The following INPP5D variants were observed in gnomAD, a reference collection of about 807,000 sequenced individuals.
INPP5D encodes the protein inositol polyphosphate-5-phosphatase D, also known as phosphatidylinositol 3,4,5-trisphosphate 5-phosphatase 1.
In INPP5D, 33 loss-of-function variants were observed where a neutral mutation model predicts 122.9. That is an observed-to-expected ratio of 0.27 (90% confidence interval 0.20 to 0.36). The LOEUF (loss-of-function observed/expected upper bound fraction) is 0.36. Ranked by LOEUF, INPP5D falls within the 10% of genes least tolerant of loss-of-function variation. INPP5D has a pLI of 1.00. For missense variants in INPP5D, 1,053 were observed against 1,412.7 expected (o/e 0.75, Z 4.08); for synonymous variants, 584 against 576.2 (o/e 1.01, Z -0.19).
intron 18 of INPP5D, among the ~76,000 whole-genome samples, chr2:233,179,837 A>AAC (rs1286288828): frequency 1.3e-5 from 2 of 152,234 alleles, no homozygotes; most frequent in Non-Finnish European, 2.9e-5. Context: ...CATGACAATT[A>AAC]ACATAGCAGG....
intron 1 of INPP5D, among the ~76,000 whole-genome samples, chr2:233,071,108 TACTA>T (rs914206381): frequency 6.6e-6 from 1 of 150,440 alleles, no homozygotes; most frequent in African/African-American, 2.5e-5. Flanking sequence ...ATCCTGTCTC[TACTA>T]AAGATACAAA....
Position 233,078,584 on chromosome 2 carries a change from G to A in INPP5D, c.135-751G>A, listed in dbSNP as rs1691588388. ...TGCCCCTGACAGGTGGCCCCTCTGT[G>A]GCTGGGCCTGGCTTTCCATTCACCA... On this transcript the variant is annotated intron_variant, in intron 1 of 26. Transcript: ENST00000445964. This position sits in a 1 kb window ranked among gnomAD's most constrained non-coding sequence, Gnocchi z 4.6. Among the ~76,000 whole-genome samples, 2 of 152,222 alleles carry A rather than the reference G, an allele frequency of 1.3e-5. No individual in the cohort carries two copies. Among genetic ancestry groups the A allele is most frequent in the South Asian group, 2.1e-4 (1 of 4,832 alleles).
intron 2 of INPP5D, among the ~76,000 whole-genome samples, chr2:233,088,943 G>A (rs796713032): frequency 2.6e-5 from 4 of 152,322 alleles, no homozygotes; most frequent in African/African-American, 9.6e-5. Context: ...GAGGACAGAG[G>A]CACCAAGTAG....
intron 2 of INPP5D, among the ~76,000 whole-genome samples, chr2:233,113,783 T>C (rs951773573): frequency 2.6e-5 from 4 of 152,208 alleles, no homozygotes; most frequent in African/African-American, 9.6e-5. Context: ...ATTCAAGCAC[T>C]AGAGTGGGGT....
rs548439384 is a variant in INPP5D, at chr2:233,159,693, C to CAAAAA, written c.1137+1290_1137+1294dup. ...TAGATGACAGAGCAAGATCCTGTCT[C>CAAAAA]AAAAAAAAAAAAAAAAAAAAGATTG... On this transcript the variant is annotated intron_variant, in intron 10 of 26. Transcript: ENST00000445964. Among the ~76,000 whole-genome samples the CAAAAA allele has an allele frequency of 2.3e-3, 213 of 91,844 alleles. 9 individuals carry two copies. Among genetic ancestry groups the CAAAAA allele is most frequent in the African/African-American group, 8.6e-3 (186 of 21,626 alleles). 60.3% of individuals were successfully genotyped at this position (91,844 alleles called of 152,430 possible). A position where few individuals can be genotyped will look rare whatever the true frequency, so the allele number is the denominator to read the frequency against.
chr2:233,188,549 T>C lies in INPP5D; in HGVS notation c.2359-1301T>C, dbSNP rs1694974770. 6.6e-6 allele frequency among the ~76,000 whole-genome samples: 1 copy of C among 152,136 alleles called. No homozygotes were observed. The highest frequency in any genetic ancestry group is 1.5e-5 in the Non-Finnish European group (1 of 68,018). The stretch of plus-strand genomic sequence containing the variant: ...TGGAGTACCCAGAGCTCCACTGCAG[T>C]TTCCAGTCATCTGTTCTGGAACTTT... On this transcript the variant is annotated intron_variant, in intron 21 of 26. Coordinates refer to ENST00000445964, the MANE Select transcript of INPP5D (RefSeq NM_001017915.3). This position sits in a 1 kb window ranked among gnomAD's most constrained non-coding sequence, Gnocchi z 4.7.
At chr2:233,085,553 T>C (rs1162430935) in intron 2 of INPP5D, among the ~76,000 whole-genome samples, 1 of 152,186 alleles carries the variant, frequency 6.6e-6, no homozygotes, top group Non-Finnish European at 1.5e-5. Flanking sequence ...TGATAGTACC[T>C]GCAATGTGTT....
At chr2:233,146,536 C>G (rs528964682) in intron 8 of INPP5D, 98 bp downstream of exon 8, 2 of 696,168 alleles carry the variant, frequency 2.9e-6, no homozygotes, top group South Asian at 3.0e-5. Context: ...GGGGCTTTAG[C>G]TGGGGAAGAG....
Position 233,079,116 on chromosome 2 carries a change from GT to G in INPP5D, c.135-218del, listed in dbSNP as rs566991922. ...AATGACCCCCCCCAACCTTTTCCTG[GT>G]GCTCCCTGAGTGCAGAAGCAGTGGG... is the stretch of plus-strand genomic sequence containing the variant. On this transcript the variant is annotated intron_variant, in intron 1 of 26. Transcript: ENST00000445964. Among the ~76,000 whole-genome samples, 6 of 152,134 alleles carry G rather than the reference GT, an allele frequency of 3.9e-5. No homozygotes were observed. In the South Asian group the frequency reaches 1.2e-3, roughly 32 times the overall value.
intron 4 of INPP5D, among the ~76,000 whole-genome samples, chr2:233,130,189 C>T (rs1693280692): frequency 6.6e-6 from 1 of 152,188 alleles, no homozygotes. Flanking sequence ...GCCACCATGC[C>T]CAGCCTTGGT....
chr2:233,198,330 C>A lies in INPP5D; in HGVS notation c.2929C>A (p.Pro977Thr), dbSNP rs772125160. 6.2e-6 allele frequency: 10 copies of A among 1,613,688 alleles called. No homozygotes were observed. The highest frequency in any genetic ancestry group is 8.5e-6 in the Non-Finnish European group (10 of 1,179,832). Residue 977 changes from proline to threonine, a missense_variant, in exon 25 of 27, where the codon CCC becomes ACC. By Grantham distance (38) the Pro-to-Thr change is conservative. Coordinates refer to ENST00000445964, the MANE Select transcript of INPP5D (RefSeq NM_001017915.3). ...QPPISPKKFL[P>T]STANRGLPPR... ...GCCCATATCACCCAAGAAGTTTTTA[C>A]CCTCAACAGCAAACCGGGGTCTCCC...
Position 233,164,313 on chromosome 2 carries a change from A to T in INPP5D, c.1444A>T (p.Ile482Phe), listed in dbSNP as rs1361801669. The T allele has an allele frequency of 6.5e-7, 1 of 1,549,958 alleles. No individual in the cohort carries two copies. Among genetic ancestry groups the T allele is most frequent in the African/African-American group, 1.4e-5 (1 of 73,002 alleles). The change falls in exon 13 of 27, where the codon ATC (isoleucine) becomes TTC (phenylalanine). Residue 482 changes from isoleucine to phenylalanine, a missense_variant. By Grantham distance (21) the Ile-to-Phe change is conservative. Coordinates refer to ENST00000445964, the MANE Select transcript of INPP5D (RefSeq NM_001017915.3). This position sits in a 1 kb window ranked among gnomAD's most constrained non-coding sequence, Gnocchi z 4.3. Reference sequence around the variant, plus strand: ...AACGTTGTCCTCCCACCAGGTCGCCATCCACACGCTCTGGAACATCCGCAT... The same window carrying T: ...AACGTTGTCCTCCCACCAGGTCGCCTTCCACACGCTCTGGAACATCCGCAT... ...ITSVTFKTVA[I>F]HTLWNIRIVV...
chr2:233,181,574 T>G (rs1338182113), intron 18 of INPP5D, among the ~76,000 whole-genome samples: 3 of 152,214 alleles, frequency 2.0e-5, no homozygotes, highest in Non-Finnish European at 4.4e-5. Flanking sequence ...TTGAAAGAAC[T>G]GTCTTTCTAG....
intron 21 of INPP5D, among the ~76,000 whole-genome samples, chr2:233,187,996 C>T (rs1694963219): frequency 6.6e-6 from 1 of 152,088 alleles, no homozygotes; most frequent in South Asian, 2.1e-4. Context: ...CCGCCAAGTC[C>T]TGCTGTTCCT....
chr2:233,129,994 C>T (rs910069022), intron 4 of INPP5D, among the ~76,000 whole-genome samples: 1 of 152,040 alleles, frequency 6.6e-6, no homozygotes, highest in Non-Finnish European at 1.5e-5. Context: ...CTCTGCCTTC[C>T]GGGTTCAAAT....
chr2:233,110,423 C>T (rs934818152), intron 2 of INPP5D, among the ~76,000 whole-genome samples: 11 of 152,028 alleles, frequency 7.2e-5, no homozygotes, highest in Admixed American at 1.3e-4. Flanking sequence ...TGGTCTCTAA[C>T]TCCTGGGCTC....
chr2:233,122,816 A>G (rs761201333), intron 3 of INPP5D, among the ~76,000 whole-genome samples: 9 of 152,098 alleles, frequency 5.9e-5, no homozygotes, highest in African/African-American at 1.4e-4. Flanking sequence ...AAGAAAAAAA[A>G]AGAGAGAGAG....
intron 2 of INPP5D, among the ~76,000 whole-genome samples, chr2:233,114,717 A>G (rs1244490623): frequency 2.0e-5 from 3 of 152,044 alleles, no homozygotes; most frequent in East Asian, 1.9e-4. Context: ...GAAGTAATAA[A>G]AACAGCAGCC....
At chr2:233,110,970 A>G (rs539792946) in intron 2 of INPP5D, among the ~76,000 whole-genome samples, 1 of 151,996 alleles carries the variant, frequency 6.6e-6, no homozygotes, top group Non-Finnish European at 1.5e-5. Context: ...TTCGACAGTT[A>G]TTTTAAAAAA....
Sources: allele counts gnomAD v4.1 joint callset (sites outside exome capture counted in the v4.1 genomes callset), GRCh38; gene constraint gnomAD v4.1.1; non-coding constraint Gnocchi (gnomAD v3.1); transcripts MANE v1.5; gene names NCBI Gene and HGNC (gene_info 2026-07-23, HGNC 2026-07-21).